The following DIP2B variants were observed in gnomAD, a reference collection of about 807,000 sequenced individuals.
DIP2B encodes the protein DIP2 acetate--CoA ligase B (putative), also known as disco-interacting protein 2 homolog B.
Under a neutral mutation model 198.0 loss-of-function variants are expected in DIP2B, and 76 were observed. The ratio of observed to expected loss-of-function variants is 0.38; its 90% CI spans 0.32 to 0.46. DIP2B has a LOEUF of 0.46. Among genes scored for constraint, DIP2B ranks in the 20% least tolerant of loss-of-function variants. The pLI, the probability that DIP2B is intolerant of heterozygous loss-of-function variation, is 0.99. For missense variants in DIP2B, 1,559 were observed against 1,978.4 expected, an observed-to-expected ratio of 0.79 and a Z score of 4.02; for synonymous variants, 701 against 739.1, an observed-to-expected ratio of 0.95 and a Z score of 0.84.
rs561278660 is a variant in DIP2B at position 50,640,182 on chromosome 12, T to C, written c.173-542T>C. Among the ~76,000 whole-genome samples the C allele has an allele frequency of 2.0e-5, 3 of 152,208 alleles. No individual in the cohort carries two copies. The South Asian group carries it at 6.2e-4, about 32-fold the overall frequency. On this transcript the variant is annotated intron_variant, in intron 2 of 37. Coordinates refer to ENST00000301180, the MANE Select transcript of DIP2B (RefSeq NM_173602.3). ...AACATCAGAACTTAGTGTTTTTCTGTTTATTTACCCCATCCCCATATTCTT... is the reference window on the plus strand; with the variant it reads ...AACATCAGAACTTAGTGTTTTTCTGCTTATTTACCCCATCCCCATATTCTT...
intron 1 of DIP2B, among the ~76,000 whole-genome samples, chr12:50,539,069 T>C (rs1958295214): frequency 6.6e-6 from 1 of 152,196 alleles, no homozygotes; most frequent in Non-Finnish European, 1.5e-5. Flanking sequence ...AAAAACGTCT[T>C]TGTCTCATTT....
At chr12:50,645,797 T>G (rs551569785) in intron 3 of DIP2B, among the ~76,000 whole-genome samples, 3 of 152,228 alleles carry the variant, frequency 2.0e-5, no homozygotes, top group African/African-American at 7.2e-5. Flanking sequence ...CAAGACAGTA[T>G]GTAGCATATA....
rs547105018 is a variant in DIP2B, at chr12:50,608,940, G to A, written c.101-17036G>A. Among the ~76,000 whole-genome samples, 37 of 152,172 alleles carry A rather than the reference G, an allele frequency of 2.4e-4. 1 individual carries two copies. The highest frequency in any genetic ancestry group is 8.4e-4 in the African/African-American group (35 of 41,518). ...GTGGATCACCTGAGGTCAGGAGTTCGAGACCAGCCTGGCCAATATGGTGAA... is the reference window on the plus strand; with the variant it reads ...GTGGATCACCTGAGGTCAGGAGTTCAAGACCAGCCTGGCCAATATGGTGAA... On this transcript the variant is annotated intron_variant, in intron 1 of 37. Transcript: ENST00000301180.
chr12:50,734,358 C>T (rs58301497), intron 33 of DIP2B, among the ~76,000 whole-genome samples, 162 bp downstream of exon 33: 12,279 of 152,236 alleles, frequency 0.081, 926 homozygotes, highest in East Asian at 0.32. Context: ...ATAAGATTTA[C>T]ATTTATAAGA....
chr12:50,717,194 C>A (rs1172993242), intron 23 of DIP2B, among the ~76,000 whole-genome samples: 1 of 151,724 alleles, frequency 6.6e-6, no homozygotes, highest in African/African-American at 2.4e-5. Context: ...ATCTGCCCCC[C>A]TCTGCCTCCC....
intron 1 of DIP2B, among the ~76,000 whole-genome samples, chr12:50,533,298 G>C (rs1958234560): frequency 6.6e-6 from 1 of 152,204 alleles, no homozygotes; most frequent in Non-Finnish European, 1.5e-5. Flanking sequence ...GTAAGGATGA[G>C]TCTTGTAGTC....
chr12:50,608,238 G>A (rs1002549409), intron 1 of DIP2B, among the ~76,000 whole-genome samples: 1 of 152,162 alleles, frequency 6.6e-6, no homozygotes, highest in Non-Finnish European at 1.5e-5. Flanking sequence ...AATGGTTGCT[G>A]TTTTAACTGC....
rs755142868 is a variant in DIP2B at position 50,674,525 on chromosome 12, C to T, written c.692C>T (p.Ser231Leu). 4.3e-6 allele frequency: 7 copies of T among 1,614,132 alleles called. No homozygotes were observed. Among genetic ancestry groups the T allele is most frequent in the Non-Finnish European group, 5.9e-6 (7 of 1,180,044 alleles). Residue 231 changes from serine to leucine, a missense_variant, in exon 6 of 38, where the codon TCA becomes TTA. By Grantham distance (145) the Ser-to-Leu change is moderately radical. Coordinates refer to ENST00000301180, the MANE Select transcript of DIP2B (RefSeq NM_173602.3). Reference sequence around the variant, plus strand: ...ACTACAACTACCTCTTCCTCCTCATCATCTTCCTCAATTCGCCCAGCAAAC... The same window carrying T: ...ACTACAACTACCTCTTCCTCCTCATTATCTTCCTCAATTCGCCCAGCAAAC... ...DVTTTTSSSS[S>L]SSSIRPANID...
At chr12:50,571,850 G>A (rs1051947102) in intron 1 of DIP2B, among the ~76,000 whole-genome samples, 26 of 152,166 alleles carry the variant, frequency 1.7e-4, no homozygotes, top group African/African-American at 1.4e-4. Flanking sequence ...GAGCCACCGC[G>A]CCCAGCCTGA....
intron 3 of DIP2B, among the ~76,000 whole-genome samples, chr12:50,651,382 C>T (rs921499452): frequency 6.6e-6 from 1 of 152,124 alleles, no homozygotes; most frequent in Non-Finnish European, 1.5e-5. Flanking sequence ...GTTTTGCTGT[C>T]GCGTTCAATA....
intron 1 of DIP2B, among the ~76,000 whole-genome samples, chr12:50,579,212 A>G (rs1156784827): frequency 1.3e-5 from 2 of 152,172 alleles, no homozygotes; most frequent in Non-Finnish European, 2.9e-5. Context: ...TCAGCCAGAT[A>G]TTTTCTCAAA....
Position 50,675,356 on chromosome 12 carries a change from C to T in DIP2B, c.824C>T (p.Thr275Ile), listed in dbSNP as rs188572354. ...DGVPVSSRVS[T>I]KIQQLLNTLK... ...GTTCCTGTCAGTAGCAGAGTATCTA[C>T]AAAAATCCAGCAGCTTCTGAACACT... is the stretch of plus-strand genomic sequence containing the variant. The change falls in exon 7 of 38, where the codon ACA becomes ATA. Residue 275 changes from threonine (T) to isoleucine (I), a missense_variant. Transcript: ENST00000301180. 1.9e-6 allele frequency: 3 copies of T among 1,613,124 alleles called. No individual in the cohort carries two copies. In the Admixed American group the frequency reaches 5.0e-5, roughly 27 times the overall value.
chr12:50,705,184 C>A (rs1246473107), intron 20 of DIP2B, among the ~76,000 whole-genome samples: 1 of 152,112 alleles, frequency 6.6e-6, no homozygotes, highest in Non-Finnish European at 1.5e-5. Context: ...CATATTACTC[C>A]ATTCATCTCT....
At chr12:50,549,519 A>C (rs538937342) in intron 1 of DIP2B, among the ~76,000 whole-genome samples, 27 of 150,086 alleles carry the variant, frequency 1.8e-4, no homozygotes, top group Non-Finnish European at 2.9e-4. Context: ...ACAGAGCAAG[A>C]CTCTTGTCTC....
intron 12 of DIP2B, among the ~76,000 whole-genome samples, chr12:50,689,622 G>A (rs1939188316): frequency 6.6e-6 from 1 of 152,172 alleles, no homozygotes. Flanking sequence ...GGCAGGGACG[G>A]GGGTAAAGAA....
rs951765226 is a variant in DIP2B at position 50,685,779 on chromosome 12, A to T, written c.1318-54A>T. On this transcript the variant is annotated intron_variant, in intron 10 of 37. Transcript: ENST00000301180. ...GCATTACTAAGTGTCAGATATGGGC[A>T]TGAGTGTGCTCACATTCGCTCCCCT... 15 of 1,577,308 alleles carry T rather than the reference A, an allele frequency of 9.5e-6. No homozygotes were observed. In the African/African-American group the frequency reaches 2.0e-4, roughly 21 times the overall value.
chr12:50,688,186 G>A (rs1939163684), intron 12 of DIP2B, among the ~76,000 whole-genome samples: 1 of 151,954 alleles, frequency 6.6e-6, no homozygotes, highest in African/African-American at 2.4e-5. Context: ...CACTAGAGAG[G>A]CTGGATGCAA....
chr12:50,639,233 G>A (rs1938212223), intron 2 of DIP2B, among the ~76,000 whole-genome samples: 1 of 152,004 alleles, frequency 6.6e-6, no homozygotes, highest in Admixed American at 6.6e-5. Context: ...GAGACTACAG[G>A]CGTGAATTTG....
rs531483163 is a variant in DIP2B, at chr12:50,576,456, A to G, written c.101-49520A>G. On this transcript the variant is annotated intron_variant, in intron 1 of 37. Coordinates refer to ENST00000301180, the MANE Select transcript of DIP2B (RefSeq NM_173602.3). ...CATGTGGTCTGCAAAGCCTAAGTAC[A>G]TATTTACGGTCTGACCGCCCCCCAC... 4.6e-5 allele frequency among the ~76,000 whole-genome samples: 7 copies of G among 151,250 alleles called. No homozygotes were observed. The South Asian group carries it at 1.3e-3, about 27-fold the overall frequency.
Sources: allele counts gnomAD v4.1 joint callset (sites outside exome capture counted in the v4.1 genomes callset), GRCh38; gene constraint gnomAD v4.1.1; transcripts MANE v1.5; gene names NCBI Gene and HGNC (gene_info 2026-07-23, HGNC 2026-07-21).